Variants in LOC400499 observed in about 807,000 individuals in gnomAD.
At chr16:11,426,888 C>A in the LOC400499 span, among the ~76,000 whole-genome samples, 545 of 116,174 alleles carry the variant, frequency 4.7e-3, 3 homozygotes, top group African/African-American at 0.019. Context: ...CAGAACAAGA[C>A]CCCATCTCAA....
chr16:11,523,951 A>G, the LOC400499 span, among the ~76,000 whole-genome samples: 3 of 55,644 alleles, frequency 5.4e-5, no homozygotes, highest in African/African-American at 2.2e-4. Context: ...TCCCCTATCC[A>G]TCCACCCACC....
the LOC400499 span, among the ~76,000 whole-genome samples, chr16:11,379,441 G>C: frequency 6.6e-6 from 1 of 152,284 alleles, no homozygotes; most frequent in Admixed American, 6.5e-5. Context: ...ACCTTAGGTC[G>C]ATTTTGTCTG....
At chr16:11,495,162 T>C in the LOC400499 span, among the ~76,000 whole-genome samples, 4 of 151,356 alleles carry the variant, frequency 2.6e-5, no homozygotes, top group East Asian at 7.8e-4. Flanking sequence ...TGAGCTGAGA[T>C]TGTACCACTG....
At chr16:11,459,832 C>A in the LOC400499 span, 1 of 1,257,410 alleles carries the variant, frequency 8.0e-7, no homozygotes, top group Non-Finnish European at 1.0e-6. Flanking sequence ...TGTGGGGGTT[C>A]CCCAGCTCCT....
the LOC400499 span, among the ~76,000 whole-genome samples, chr16:11,445,746 G>A: frequency 6.6e-6 from 1 of 152,160 alleles, no homozygotes. Context: ...TGGCAGGGTT[G>A]TGCTGGCCTT....
chr16:11,478,603 T>A, the LOC400499 span: 33 of 398,954 alleles, frequency 8.3e-5, no homozygotes, highest in South Asian at 1.4e-3. Flanking sequence ...GGCCCCGCAG[T>A]TCACAAAGCT....
At chr16:11,431,441 T>C in the LOC400499 span, among the ~76,000 whole-genome samples, 2,745 of 152,304 alleles carry the variant, frequency 0.018, 34 homozygotes, top group Non-Finnish European at 0.03. Flanking sequence ...AGAGTGACTC[T>C]GTCACCCAGG....
chr16:11,413,916 C>G, the LOC400499 span, among the ~76,000 whole-genome samples: 1 of 152,202 alleles, frequency 6.6e-6, no homozygotes, highest in African/African-American at 2.4e-5. Flanking sequence ...AGCAGCAGAG[C>G]TGGGATCTGA....
the LOC400499 span, among the ~76,000 whole-genome samples, chr16:11,506,080 A>C: frequency 1.3e-5 from 2 of 152,154 alleles, no homozygotes; most frequent in African/African-American, 4.8e-5. Flanking sequence ...CTTGTCACCC[A>C]GGCTGGAGTG....
At chr16:11,527,150 C>A in the LOC400499 span, among the ~76,000 whole-genome samples, 1 of 152,202 alleles carries the variant, frequency 6.6e-6, no homozygotes. Context: ...CAGGACCAGA[C>A]CGAGGAGTCC....
chr16:11,469,439 G>A, the LOC400499 span: 6 of 398,874 alleles, frequency 1.5e-5, no homozygotes, highest in Non-Finnish European at 1.8e-5. Flanking sequence ...CCAGCTCACT[G>A]CAGGGGCCCT....
At chr16:11,481,345 G>A in the LOC400499 span, among the ~76,000 whole-genome samples, 6,886 of 151,966 alleles carry the variant, frequency 0.045, 303 homozygotes, top group East Asian at 0.16. Context: ...TTTTTGAGAC[G>A]AAGTCTCACT....
At chr16:11,437,723 T>A in the LOC400499 span, among the ~76,000 whole-genome samples, 1 of 151,948 alleles carries the variant, frequency 6.6e-6, no homozygotes, top group South Asian at 2.1e-4. Flanking sequence ...CAAAAAATTA[T>A]CTGGGTGTGG....
At chr16:11,431,276 G>A in the LOC400499 span, 3 of 398,884 alleles carry the variant, frequency 7.5e-6, no homozygotes, top group Admixed American at 4.4e-5. Context: ...TTGTAGTCAG[G>A]CAAACCTGGG....
the LOC400499 span, among the ~76,000 whole-genome samples, chr16:11,499,058 AG>A: frequency 5.8e-5 from 3 of 51,818 alleles, no homozygotes; most frequent in Middle Eastern, 7.0e-3. Context: ...GAAAGGAGGA[AG>A]GGGGGGAGGG....
chr16:11,394,582 T>C, the LOC400499 span, among the ~76,000 whole-genome samples: 1 of 152,174 alleles, frequency 6.6e-6, no homozygotes, highest in African/African-American at 2.4e-5. Flanking sequence ...TAACCTTCTA[T>C]ACCTGTGAAC....
the LOC400499 span, among the ~76,000 whole-genome samples, chr16:11,469,923 A>G: frequency 1.3e-5 from 2 of 151,796 alleles, no homozygotes; most frequent in Non-Finnish European, 2.9e-5. Context: ...TTGTTTTGAG[A>G]CCGAGTCCCG....
chr16:11,514,897 A>AT, the LOC400499 span, among the ~76,000 whole-genome samples: 5 of 152,190 alleles, frequency 3.3e-5, no homozygotes, highest in Admixed American at 1.3e-4. Flanking sequence ...GAGACTTTTG[A>AT]TAGTAAGTGA....
the LOC400499 span, among the ~76,000 whole-genome samples, chr16:11,473,814 C>T: frequency 1.3e-5 from 2 of 151,580 alleles, no homozygotes; most frequent in Admixed American, 1.3e-4. Context: ...AGCCAGCAAA[C>T]ATTCTTCGTA....
Sources: allele counts gnomAD v4.1 joint callset (sites outside exome capture counted in the v4.1 genomes callset), GRCh38; gene constraint gnomAD v4.1.1; transcripts MANE v1.5.